Variants in RABGAP1L observed in about 807,000 individuals in gnomAD.
RABGAP1L encodes the protein rab GTPase-activating protein 1-like.
RABGAP1L carries 63 observed loss-of-function variants against 137.7 expected under a neutral mutation model. The ratio of observed to expected loss-of-function variants is 0.46; its 90% CI spans 0.37 to 0.56. RABGAP1L has a LOEUF of 0.56. Among genes scored for constraint, RABGAP1L ranks in the 20% least tolerant of loss-of-function variants. The probability of loss-of-function intolerance (pLI) is 0.00; values close to 1 mark genes in which losing one functional copy is unlikely to be tolerated. For missense variants in RABGAP1L, 1,095 were observed against 1,244.0 expected (o/e 0.88, Z 1.80); for synonymous variants, 431 against 433.7 (o/e 0.99, Z 0.08).
intron 13 of RABGAP1L, among the ~76,000 whole-genome samples, chr1:174,423,709 C>T (rs879301809): frequency 3.3e-5 from 5 of 152,056 alleles, no homozygotes; most frequent in Admixed American, 6.5e-5. Flanking sequence ...CTTCCTAGTT[C>T]GCTTTCTCCC....
chr1:174,387,581 A>G (rs767356279), intron 12 of RABGAP1L, among the ~76,000 whole-genome samples: 6 of 151,832 alleles, frequency 4.0e-5, no homozygotes, highest in Non-Finnish European at 5.9e-5. Flanking sequence ...TGGAGTAGGA[A>G]GAACATTGAT....
intron 1 of RABGAP1L, among the ~76,000 whole-genome samples, chr1:174,170,759 A>G (rs1665306376): frequency 6.6e-6 from 1 of 151,632 alleles, no homozygotes; most frequent in South Asian, 2.1e-4. Flanking sequence ...ACTCTCTACT[A>G]CTACTCTGTA....
chr1:174,163,456 A>G (rs987341586), intron 1 of RABGAP1L, among the ~76,000 whole-genome samples: 5 of 152,060 alleles, frequency 3.3e-5, no homozygotes, highest in African/African-American at 1.2e-4. Context: ...TTTTTGGTGT[A>G]CTTTTTGGGG....
chr1:174,498,487 A>ATTTTTAC (rs1377392366), intron 13 of RABGAP1L, among the ~76,000 whole-genome samples: 5 of 151,832 alleles, frequency 3.3e-5, no homozygotes, highest in African/African-American at 1.2e-4. Context: ...ACGTTATTTT[A>ATTTTTAC]TTTTTATTTT....
chr1:174,663,623 C>T (rs144105097), intron 14 of RABGAP1L, among the ~76,000 whole-genome samples: 1 of 152,106 alleles, frequency 6.6e-6, no homozygotes, highest in Non-Finnish European at 1.5e-5. Context: ...CGTGGTTGAT[C>T]CTCATTATTT....
intron 13 of RABGAP1L, among the ~76,000 whole-genome samples, chr1:174,417,412 C>T (rs1403638290): frequency 6.6e-6 from 1 of 152,168 alleles, no homozygotes; most frequent in Non-Finnish European, 1.5e-5. Flanking sequence ...GGAAAACAAT[C>T]TTGCGAATGT....
intron 8 of RABGAP1L, among the ~76,000 whole-genome samples, chr1:174,274,041 A>AAG (rs1235107257): frequency 6.6e-6 from 1 of 152,142 alleles, no homozygotes; most frequent in African/African-American, 2.4e-5. Flanking sequence ...ACTTCTAATG[A>AAG]AGAGAAACTC....
chr1:174,621,761 C>T (rs1413114741), intron 13 of RABGAP1L, among the ~76,000 whole-genome samples: 1 of 152,154 alleles, frequency 6.6e-6, no homozygotes. Context: ...TAGAAGAAAA[C>T]CTAGGCAATA....
At chr1:174,241,407 A>C in intron 4 of RABGAP1L, 76 bp from the exon 5 acceptor site, 14 of 1,044,088 alleles carry the variant, frequency 1.3e-5, no homozygotes, top group Non-Finnish European at 1.7e-5. Context: ...TTTTTAAAAA[A>C]AAAAACCTAA....
chr1:174,455,010 T>G (rs1337400358), intron 13 of RABGAP1L, among the ~76,000 whole-genome samples: 2 of 152,234 alleles, frequency 1.3e-5, no homozygotes, highest in African/African-American at 4.8e-5. Context: ...TATTTATAAT[T>G]TTTTAATGGT....
At chr1:174,939,985 A>G (rs1286014447) in intron 19 of RABGAP1L, among the ~76,000 whole-genome samples, 1 of 152,206 alleles carries the variant, frequency 6.6e-6, no homozygotes, top group African/African-American at 2.4e-5. Context: ...ATTCAGCTTT[A>G]TGTTAGGTTG....
chr1:174,516,882 G>A (rs1159526925), intron 13 of RABGAP1L, among the ~76,000 whole-genome samples: 1 of 151,318 alleles, frequency 6.6e-6, no homozygotes, highest in Non-Finnish European at 1.5e-5. Context: ...AGTTGAGATC[G>A]TGCCACTGTA....
chr1:174,439,253 G>A (rs907072146), intron 13 of RABGAP1L, among the ~76,000 whole-genome samples: 3 of 152,004 alleles, frequency 2.0e-5, no homozygotes, highest in African/African-American at 7.3e-5. Flanking sequence ...GTTTTCTTTT[G>A]TAGTGCCACT....
intron 13 of RABGAP1L, among the ~76,000 whole-genome samples, chr1:174,609,959 T>C (rs916899857): frequency 6.6e-5 from 10 of 151,812 alleles, no homozygotes; most frequent in Non-Finnish European, 1.5e-4. Context: ...TTTTGTTTTG[T>C]TCATAGTTTA....
chr1:174,282,825 G>T (rs995893683), intron 10 of RABGAP1L, among the ~76,000 whole-genome samples: 4 of 152,070 alleles, frequency 2.6e-5, no homozygotes, highest in African/African-American at 9.7e-5. Flanking sequence ...TCTCATGTGG[G>T]TATACAGTTG....
At chr1:174,215,389 G>A (rs1387484334) in intron 1 of RABGAP1L, among the ~76,000 whole-genome samples, 1 of 151,800 alleles carries the variant, frequency 6.6e-6, no homozygotes, top group Admixed American at 6.6e-5. Context: ...CCAGGGAGGT[G>A]GAGGTTGCAG....
intron 7 of RABGAP1L, among the ~76,000 whole-genome samples, chr1:174,256,218 C>A (rs1401686176): frequency 6.6e-6 from 1 of 152,088 alleles, no homozygotes; most frequent in African/African-American, 2.4e-5. Flanking sequence ...AGAATACATC[C>A]ATTTTTCCTC....
chr1:174,204,228 C>T (rs534108134), intron 1 of RABGAP1L, among the ~76,000 whole-genome samples: 21 of 152,212 alleles, frequency 1.4e-4, no homozygotes, highest in South Asian at 2.1e-4. Flanking sequence ...TGGGATTATA[C>T]GTGTGAGCCA....
chr1:174,768,395 A>G (rs1229037995), intron 18 of RABGAP1L, among the ~76,000 whole-genome samples: 3 of 152,216 alleles, frequency 2.0e-5, no homozygotes, highest in Non-Finnish European at 4.4e-5. Context: ...CAGCTTCTTA[A>G]TAAGATCTCA....
Sources: allele counts gnomAD v4.1 joint callset (sites outside exome capture counted in the v4.1 genomes callset), GRCh38; gene constraint gnomAD v4.1.1; transcripts MANE v1.5; gene names NCBI Gene and HGNC (gene_info 2026-07-23, HGNC 2026-07-21).